Variants in WNK1 observed in about 807,000 individuals in gnomAD.
The protein encoded by WNK1 is WNK lysine deficient protein kinase 1, also known as serine/threonine-protein kinase WNK1.
A neutral mutation model predicts 222.8 loss-of-function variants in WNK1; 38 were observed. The ratio of observed to expected loss-of-function variants is 0.17; its 90% confidence interval spans 0.13 to 0.22. The LOEUF (loss-of-function observed/expected upper bound fraction) is 0.22, where lower values mean the gene tolerates loss of function less well. Among genes scored for constraint, WNK1 ranks in the 10% least tolerant of loss-of-function variants. WNK1 has a pLI of 1.00. For synonymous variants in WNK1, 1,090 were observed against 1,092.9 expected, an observed-to-expected ratio of 1.00 and a Z score of 0.05; for missense variants, 2,348 against 2,918.4, an observed-to-expected ratio of 0.80 and a Z score of 4.50.
chr12:867,738 A>G, intron 8 of WNK1: 1 of 1,028,286 alleles, frequency 9.7e-7, no homozygotes, highest in Non-Finnish European at 1.5e-6. Context: ...AAGCATTGTT[A>G]TTTATTTATT....
At chr12:787,974 G>A (rs1944474156) in intron 1 of WNK1, among the ~76,000 whole-genome samples, 1 of 152,048 alleles carries the variant, frequency 6.6e-6, no homozygotes, top group Non-Finnish European at 1.5e-5. Flanking sequence ...TGGTTGTTGG[G>A]GCTGGCAAGT....
chr12:851,552 G>T (rs1193045117), intron 4 of WNK1: 1 of 1,178,502 alleles, frequency 8.5e-7, no homozygotes, highest in East Asian at 5.8e-5. Context: ...TGAGAGTTGG[G>T]GAAGCATGGC....
chr12:827,205 A>T lies in WNK1; in HGVS notation c.1096A>T (p.Ile366Phe). Residue 366 changes from isoleucine to phenylalanine, a missense_variant, in exon 3 of 28, where the codon ATT (isoleucine) becomes TTT (phenylalanine). Ile to Phe is a conservative substitution (Grantham distance 21). Transcript: ENST00000315939. This position sits in a 1 kb window ranked among gnomAD's most constrained non-coding sequence, Gnocchi z 4.6. ...CACCGGCCCTACTGGCTCAGTCAAG[A>T]TTGGAGACCTCGGTCTGGCAACCCT... ...FITGPTGSVK[I>F]GDLGLATLKR... is the part of the protein sequence containing the mutation. 6.2e-7 allele frequency: 1 copy of T among 1,614,182 alleles called. No individual in the cohort carries two copies. Among genetic ancestry groups the T allele is most frequent in the Non-Finnish European group, 8.5e-7 (1 of 1,180,030 alleles).
At chr12:779,440 T>C (rs544891219) in intron 1 of WNK1, among the ~76,000 whole-genome samples, 111 of 151,750 alleles carry the variant, frequency 7.3e-4, no homozygotes, top group Non-Finnish European at 9.7e-4. Flanking sequence ...AGTTTCACTT[T>C]GTAGCCCGGG....
chr12:896,931 C>CG (rs1420331192), intron 24 of WNK1, among the ~76,000 whole-genome samples, 199 bp downstream of exon 24: 31 of 85,616 alleles, frequency 3.6e-4, no homozygotes, highest in African/African-American at 1.3e-3. Flanking sequence ...CACACACACA[C>CG]ACACACACGA....
At chr12:888,706 G>A (rs574117301) in intron 20 of WNK1, among the ~76,000 whole-genome samples, 16 of 152,268 alleles carry the variant, frequency 1.1e-4, no homozygotes, top group African/African-American at 3.6e-4. Context: ...ATATGTTAAT[G>A]CCATCTTTTA....
chr12:770,162 C>T (rs564012244), intron 1 of WNK1, among the ~76,000 whole-genome samples: 2 of 152,138 alleles, frequency 1.3e-5, no homozygotes, highest in African/African-American at 4.8e-5. Flanking sequence ...TTAGTAGAGA[C>T]ATGGTTTCTC....
intron 1 of WNK1, among the ~76,000 whole-genome samples, chr12:774,397 G>A (rs1942879600): frequency 6.6e-6 from 1 of 151,920 alleles, no homozygotes; most frequent in Non-Finnish European, 1.5e-5. Context: ...CCTTCCTTTG[G>A]GCCTGGACTT....
rs929912877 is a variant in WNK1, at chr12:870,375, T to A, written c.2140-890T>A. Among the ~76,000 whole-genome samples, 3 of 152,200 alleles carry A rather than the reference T, an allele frequency of 2.0e-5. No individual in the cohort carries two copies. In the South Asian group the frequency reaches 6.2e-4, roughly 31 times the overall value. The stretch of plus-strand genomic sequence containing the variant: ...CCAGGTAGTTAATTTATAGACATAC[T>A]ACAGAAGGAATCAATATTTATAATA... On this transcript the variant is annotated intron_variant, in intron 8 of 27. Transcript: ENST00000315939.
At chr12:886,175 G>A in intron 19 of WNK1, 91 bp downstream of exon 19, 2 of 1,151,902 alleles carry the variant, frequency 1.7e-6, no homozygotes, top group African/African-American at 1.6e-5. Flanking sequence ...TTGTAAGTTA[G>A]AAACATATTT....
chr12:907,445 CCT>C (rs1455381909), intron 26 of WNK1, among the ~76,000 whole-genome samples: 2 of 152,246 alleles, frequency 1.3e-5, no homozygotes, highest in East Asian at 3.9e-4. Flanking sequence ...CACAAGAAAA[CCT>C]CTTTTTCCCT....
chr12:890,075 C>T (rs769390478), intron 21 of WNK1, among the ~76,000 whole-genome samples: 7 of 151,364 alleles, frequency 4.6e-5, no homozygotes, highest in Non-Finnish European at 8.8e-5. Context: ...ACCTCAGCCT[C>T]CCGAGTAGCT....
At position 788,116 on chromosome 12, in the gene WNK1, A is replaced by G. The variant is rs147215645; in HGVS notation, c.760-25526A>G. Among the ~76,000 whole-genome samples, 607 of 152,160 alleles carry G rather than the reference A, an allele frequency of 4.0e-3. 4 individuals carry two copies. Among genetic ancestry groups the G allele is most frequent in the South Asian group, 0.031 (151 of 4,812 alleles). ...CTTGTAAGTGATTAGATGAGACCCA[A>G]CCACATAATTGAGGGTAGTCTCCTT... On this transcript the variant is annotated intron_variant, in intron 1 of 27. Coordinates refer to ENST00000315939, the MANE Select transcript of WNK1 (RefSeq NM_018979.4).
chr12:882,903 A>C (rs1369982334), intron 14 of WNK1, 40 bp from the exon 15 acceptor site: 4 of 1,272,200 alleles, frequency 3.1e-6, no homozygotes, highest in Admixed American at 1.7e-5. Flanking sequence ...AATAAAGCTG[A>C]ATATGGTCTT....
intron 25 of WNK1, among the ~76,000 whole-genome samples, chr12:899,740 T>G (rs1955069384): frequency 6.6e-6 from 1 of 152,194 alleles, no homozygotes; most frequent in Non-Finnish European, 1.5e-5. Context: ...TGTAGTGACC[T>G]CCATCATTTT....
At chr12:881,511 CA>C in intron 12 of WNK1, 180 bp from the exon 13 acceptor site, 1 of 647,864 alleles carries the variant, frequency 1.5e-6, no homozygotes, top group East Asian at 2.8e-5. Context: ...CTAGCTTTAG[CA>C]ACTTCCTTTG....
intron 1 of WNK1, among the ~76,000 whole-genome samples, chr12:754,865 G>A (rs1281919919): frequency 6.6e-6 from 1 of 152,074 alleles, no homozygotes; most frequent in East Asian, 1.9e-4. Flanking sequence ...GTTTGATGTT[G>A]TTCTACCTAA....
At chr12:756,823 A>G (rs1240251684) in intron 1 of WNK1, among the ~76,000 whole-genome samples, 2 of 152,236 alleles carry the variant, frequency 1.3e-5, no homozygotes, top group Non-Finnish European at 2.9e-5. Flanking sequence ...TAATATACAT[A>G]TATTTCTGAA....
rs144054669 is a variant in WNK1, at chr12:756,766, A to G, written c.759+2442A>G. Among the ~76,000 whole-genome samples, 6 of 152,368 alleles carry G rather than the reference A, an allele frequency of 3.9e-5. No homozygotes were observed. The East Asian group carries it at 5.8e-4, about 15-fold the overall frequency. On this transcript the variant is annotated intron_variant, in intron 1 of 27. Coordinates refer to ENST00000315939, the MANE Select transcript of WNK1 (RefSeq NM_018979.4). ...AAATTAAAGGACAAGCCAAGGGATT[A>G]CTAAAGCACTGGAAAGATAGAAACT...
Sources: allele counts gnomAD v4.1 joint callset (sites outside exome capture counted in the v4.1 genomes callset), GRCh38; gene constraint gnomAD v4.1.1; non-coding constraint Gnocchi (gnomAD v3.1); transcripts MANE v1.5; gene names NCBI Gene and HGNC (gene_info 2026-07-23, HGNC 2026-07-21).